NTRK2: variants seen among roughly 807,000 people sequenced by gnomAD.
NTRK2 encodes BDNF/NT-3 growth factors receptor.
NTRK2 carries 13 observed loss-of-function variants against 94.5 expected under a neutral mutation model. The ratio of observed to expected loss-of-function variants is 0.14; its 90% CI spans 0.09 to 0.22. The LOEUF is 0.22. NTRK2 is among the 10% of genes least tolerant of loss of function. The pLI, the probability that NTRK2 is intolerant of heterozygous loss-of-function variation, is 1.00. For synonymous variants in NTRK2, 372 were observed against 407.4 expected (o/e 0.91, Z 1.05); for missense variants, 639 against 1,071.2 (o/e 0.60, Z 5.63).
At chr9:84,877,305 C>T in intron 14 of NTRK2, 1 of 1,066,020 alleles carries the variant, frequency 9.4e-7, no homozygotes, top group Non-Finnish European at 1.1e-6. Context: ...CCACTTGTCT[C>T]AGTATGAGGA....
intron 12 of NTRK2, among the ~76,000 whole-genome samples, chr9:84,858,627 G>C (rs932504523): frequency 6.6e-6 from 1 of 151,456 alleles, no homozygotes; most frequent in African/African-American, 2.4e-5. Flanking sequence ...TGGAATAGAG[G>C]CTTCTTTTCT....
intron 17 of NTRK2, among the ~76,000 whole-genome samples, chr9:84,986,316 G>A (rs1415707239): frequency 6.6e-6 from 1 of 152,160 alleles, no homozygotes; most frequent in Non-Finnish European, 1.5e-5. Context: ...ATGGACAGGG[G>A]TTGTGAGGAT....
rs999011148 is a variant in NTRK2 at position 84,752,061 on chromosome 9, A to G, written c.1372A>G (p.Arg458Gly). The part of the protein sequence containing the change: ...LVMLFLLKLA[R>G]HSKFGMKDFS... ...AATGCTGTTTCTGCTTAAGTTGGCA[A>G]GACACTCCAAGTTTGGCATGAAAGG... is the stretch of plus-strand genomic sequence containing the variant. Residue 458 changes from arginine (R) to glycine (G), a missense_variant, in exon 12 of 19, where the codon AGA becomes GGA. Transcript: ENST00000277120. 19 of 1,613,960 alleles carry G rather than the reference A, an allele frequency of 1.2e-5. No homozygotes were observed. Among genetic ancestry groups the G allele is most frequent in the Non-Finnish European group, 1.6e-5 (19 of 1,179,910 alleles).
chr9:84,918,475 G>A (rs558400541), intron 14 of NTRK2, among the ~76,000 whole-genome samples: 2 of 152,302 alleles, frequency 1.3e-5, no homozygotes, highest in South Asian at 4.1e-4. Flanking sequence ...TGACTCCATG[G>A]TTATTTGCAC....
intron 14 of NTRK2, among the ~76,000 whole-genome samples, chr9:84,913,957 C>T (rs2077320313): frequency 6.6e-6 from 1 of 151,602 alleles, no homozygotes; most frequent in Non-Finnish European, 1.5e-5. Flanking sequence ...AGATGTAGTT[C>T]CCTGAGGCTC....
At chr9:85,000,185 G>A (rs4607698) in intron 17 of NTRK2, among the ~76,000 whole-genome samples, 132,565 of 152,112 alleles carry the variant, frequency 0.87, 58,101 homozygotes, top group African/African-American at 0.96. Context: ...CTCCCCCACT[G>A]TTAACATCCT....
intron 17 of NTRK2, among the ~76,000 whole-genome samples, chr9:85,000,570 C>A (rs1044903567): frequency 6.6e-6 from 1 of 152,126 alleles, no homozygotes; most frequent in African/African-American, 2.4e-5. Context: ...TTTAAAGTAC[C>A]TCCATGTCTT....
At chr9:84,779,901 T>C (rs2067400270) in intron 12 of NTRK2, among the ~76,000 whole-genome samples, 1 of 152,154 alleles carries the variant, frequency 6.6e-6, no homozygotes, top group African/African-American at 2.4e-5. Context: ...AAACAAATGG[T>C]AGAAATGCTA....
rs771317737 is a variant in NTRK2 at position 85,026,938 on chromosome 9, A to C, written c.*5501A>C. The C allele has an allele frequency of 1.2e-3, 278 of 232,678 alleles. 7 individuals carry two copies. Among genetic ancestry groups the C allele is most frequent in the Non-Finnish European group, 2.5e-4 (29 of 117,796 alleles). The allele number at this position is 232,678 out of a possible 1,614,324, so 14.4% of individuals were successfully genotyped here. A position where few individuals can be genotyped will look rare whatever the true frequency, so the allele number is the denominator to read the frequency against. On this transcript the variant is annotated 3_prime_UTR_variant, in exon 19 of 19. Transcript: ENST00000277120. ...CACCTGAATACAGTGTTTAAAAAAA[A>C]AAAAGTTTTGTTTGTAAATCATGTG...
At chr9:84,931,134 C>T (rs1310364830) in intron 14 of NTRK2, among the ~76,000 whole-genome samples, 1 of 152,116 alleles carries the variant, frequency 6.6e-6, no homozygotes, top group African/African-American at 2.4e-5. Flanking sequence ...TGGCCAGGCA[C>T]GGTGGCTCAC....
chr9:84,851,524 A>ACACAGTAATT (rs1564388365), intron 12 of NTRK2, among the ~76,000 whole-genome samples: 6 of 152,212 alleles, frequency 3.9e-5, no homozygotes, highest in African/African-American at 4.8e-5. Context: ...CTAACAGAAG[A>ACACAGTAATT]GTACACAGTA....
At chr9:84,720,461 A>G (rs1006600728) in intron 6 of NTRK2, among the ~76,000 whole-genome samples, 3 of 152,130 alleles carry the variant, frequency 2.0e-5, no homozygotes, top group African/African-American at 7.2e-5. Flanking sequence ...GAATAATTTG[A>G]CCACCCCCTT....
chr9:84,947,240 G>A (rs2078628238), intron 15 of NTRK2, among the ~76,000 whole-genome samples: 1 of 152,196 alleles, frequency 6.6e-6, no homozygotes, highest in African/African-American at 2.4e-5. Context: ...ACAGGCATGA[G>A]CTACTGTACC....
chr9:84,957,675 C>T (rs535544358), intron 17 of NTRK2, among the ~76,000 whole-genome samples: 6 of 152,256 alleles, frequency 3.9e-5, no homozygotes, highest in South Asian at 2.1e-4. Context: ...TTTGGAAAAC[C>T]GTTTGGTAGT....
intron 2 of NTRK2, among the ~76,000 whole-genome samples, chr9:84,677,530 G>C (rs1047307164): frequency 2.0e-4 from 31 of 152,102 alleles, no homozygotes; most frequent in African/African-American, 7.2e-4. Context: ...GCTTATTTAG[G>C]TTTACAGCCT....
rs1832892725 is a variant in NTRK2, at chr9:85,023,622, A to C, written c.*2185A>C. 1 of 231,348 alleles carries C rather than the reference A, an allele frequency of 4.3e-6. No individual in the cohort carries two copies. The highest frequency in any genetic ancestry group is 8.5e-6 in the Non-Finnish European group (1 of 116,992). The allele number at this position is 231,348 out of a possible 1,614,324, so 14.3% of individuals were successfully genotyped here. A position where few individuals can be genotyped will look rare whatever the true frequency, so the allele number is the denominator to read the frequency against. On this transcript the variant is annotated 3_prime_UTR_variant, in exon 19 of 19. Transcript: ENST00000277120. ...AACCCTCTAGAATACACATAATAAC[A>C]TAATGAAAGCCATATCTCCATGATA... is the stretch of plus-strand genomic sequence containing the variant.
intron 14 of NTRK2, among the ~76,000 whole-genome samples, chr9:84,925,616 G>A (rs561272228): frequency 2.0e-5 from 3 of 152,290 alleles, no homozygotes; most frequent in Non-Finnish European, 2.9e-5. Flanking sequence ...TGCAGCTTCT[G>A]TGGCTGGGGA....
intron 14 of NTRK2, among the ~76,000 whole-genome samples, chr9:84,884,601 C>G (rs1481333314): frequency 6.6e-6 from 1 of 152,162 alleles, no homozygotes; most frequent in Non-Finnish European, 1.5e-5. Flanking sequence ...AAGGCTGTGT[C>G]TCCACTGGCA....
chr9:84,957,246 C>G (rs1179001682), intron 17 of NTRK2, among the ~76,000 whole-genome samples: 1 of 152,146 alleles, frequency 6.6e-6, no homozygotes, highest in Non-Finnish European at 1.5e-5. Context: ...GTGCCTGGCA[C>G]AAAAAGTGAG....
Sources: allele counts gnomAD v4.1 joint callset (sites outside exome capture counted in the v4.1 genomes callset), GRCh38; gene constraint gnomAD v4.1.1; transcripts MANE v1.5; gene names NCBI Gene and HGNC (gene_info 2026-07-23, HGNC 2026-07-21).